The following ALMS1 variants were observed in gnomAD, a reference collection of about 807,000 sequenced individuals.
ALMS1 encodes the protein centrosome-associated protein ALMS1.
ALMS1 carries 271 observed loss-of-function variants against 352.2 expected under a neutral mutation model. The observed-to-expected ratio is 0.77, with a 90% CI of 0.70 to 0.85. The LOEUF is 0.85. Ranked by LOEUF, ALMS1 falls within the 40% of genes least tolerant of loss-of-function variation. The probability of loss-of-function intolerance (pLI) is 0.00; values close to 1 mark genes in which losing one functional copy is unlikely to be tolerated. For missense variants in ALMS1, 5,445 were observed against 4,870.7 expected (o/e 1.12, Z -3.51); for synonymous variants, 1,865 against 1,761.2 (o/e 1.06, Z -1.48).
intron 3 of ALMS1, among the ~76,000 whole-genome samples, chr2:73,420,892 C>T (rs1671269313): frequency 6.6e-6 from 1 of 152,128 alleles, no homozygotes; most frequent in African/African-American, 2.4e-5. Flanking sequence ...TTGATGATGG[C>T]TGGTGCCAGA....
chr2:73,603,372 G>A, intron 21 of ALMS1, 68 bp downstream of exon 21: 2 of 1,404,026 alleles, frequency 1.4e-6, no homozygotes, highest in Non-Finnish European at 2.0e-6. Flanking sequence ...GGGAGCTCTG[G>A]CTTGCACCCA....
At chr2:73,474,223 G>A (rs1041988810) in intron 9 of ALMS1, among the ~76,000 whole-genome samples, 9 of 151,446 alleles carry the variant, frequency 5.9e-5, no homozygotes, top group African/African-American at 2.2e-4. Flanking sequence ...TAAATACTGT[G>A]GTAATTTATA....
intron 12 of ALMS1, among the ~76,000 whole-genome samples, chr2:73,538,088 A>G (rs1345745133): frequency 2.0e-5 from 3 of 152,216 alleles, no homozygotes; most frequent in Non-Finnish European, 2.9e-5. Flanking sequence ...ACTTTTGTAC[A>G]CAAAACCCAG....
At chr2:73,494,719 A>G (rs1034546782) in intron 10 of ALMS1, among the ~76,000 whole-genome samples, 2 of 152,236 alleles carry the variant, frequency 1.3e-5, no homozygotes, top group South Asian at 2.1e-4. Context: ...CAGAGAGCAC[A>G]TTATGTTGAT....
chr2:73,567,876 T>G (rs913746028), intron 15 of ALMS1, among the ~76,000 whole-genome samples: 1 of 152,198 alleles, frequency 6.6e-6, no homozygotes, highest in African/African-American at 2.4e-5. Context: ...AAAGATTTGA[T>G]AAATGTATAT....
chr2:73,489,262 A>G (rs1460257088), intron 9 of ALMS1, among the ~76,000 whole-genome samples: 1 of 152,252 alleles, frequency 6.6e-6, no homozygotes, highest in Non-Finnish European at 1.5e-5. Flanking sequence ...GGTTACAACT[A>G]GCTGCAGAAG....
At chr2:73,506,453 CTT>C (rs1558673341) in intron 10 of ALMS1, among the ~76,000 whole-genome samples, 3 of 152,122 alleles carry the variant, frequency 2.0e-5, no homozygotes, top group African/African-American at 7.2e-5. Context: ...TGTGTCCTCT[CTT>C]ATTTCCTTGA....
chr2:73,490,025 T>C lies in ALMS1; in HGVS notation c.8066T>C (p.Val2689Ala). Reference protein sequence around the residue: ...WLSELVEPAFVPPKEVDFHSS... With the variant: ...WLSELVEPAFAPPKEVDFHSS... ...TCAGAATTAGTAGAACCTGCTTTTG[T>C]GCCACCTAAAGAAGTGGATTTTCAT... Residue 2689 changes from valine (V) to alanine (A), a missense_variant, in exon 10 of 23, where the codon GTG becomes GCG. Physicochemically the swap from Val to Ala is moderately conservative, Grantham distance 64. Transcript: ENST00000613296. 1.2e-6 allele frequency: 2 copies of C among 1,614,240 alleles called. No individual in the cohort carries two copies. Among genetic ancestry groups the C allele is most frequent in the Non-Finnish European group, 1.7e-6 (2 of 1,180,038 alleles).
chr2:73,437,378 A>G (rs1282485839), intron 7 of ALMS1, among the ~76,000 whole-genome samples: 1 of 152,178 alleles, frequency 6.6e-6, no homozygotes, highest in Non-Finnish European at 1.5e-5. Context: ...CACTCCACCT[A>G]CAAGTGAGCT....
At position 73,489,765 on chromosome 2, in the gene ALMS1, T is replaced by C. The variant is rs1398812622; in HGVS notation, c.7806T>C (p.Cys2602=). ...ATCCACAACTAGATAGACACCCTTG[T>C]GCTTTCAGATCTGCTGGACCCTCAG... ...SEHPQLDRHP[C]AFRSAGPSEM... is the part of the protein sequence containing the mutation. Residue 2602 remains cysteine (C), a synonymous_variant, in exon 10 of 23, where the codon TGT becomes TGC. Coordinates refer to ENST00000613296, the MANE Select transcript of ALMS1 (RefSeq NM_001378454.1). 6.2e-7 allele frequency: 1 copy of C among 1,614,052 alleles called. No homozygotes were observed. The highest frequency in any genetic ancestry group is 8.5e-7 in the Non-Finnish European group (1 of 1,180,038).
At chr2:73,441,669 G>A (rs1671721848) in intron 7 of ALMS1, among the ~76,000 whole-genome samples, 3 of 150,696 alleles carry the variant, frequency 2.0e-5, no homozygotes, top group South Asian at 4.2e-4. Context: ...CCTCTCCAGG[G>A]TCCAGCCTCA....
intron 11 of ALMS1, among the ~76,000 whole-genome samples, chr2:73,526,949 A>G (rs1222337163): frequency 6.6e-6 from 1 of 152,162 alleles, no homozygotes; most frequent in African/African-American, 2.4e-5. Context: ...TGTGTTCTCT[A>G]TACCTAGTTT....
At chr2:73,590,677 C>CTTTTTTTTTT (rs35264211) in intron 16 of ALMS1, among the ~76,000 whole-genome samples, 10 of 108,436 alleles carry the variant, frequency 9.2e-5, no homozygotes, top group Non-Finnish European at 1.1e-4. Flanking sequence ...TGTTTTATTA[C>CTTTTTTTTTT]TTTTTTTTTT....
intron 9 of ALMS1, among the ~76,000 whole-genome samples, chr2:73,460,841 C>G (rs1294459245): frequency 2.0e-5 from 3 of 152,244 alleles, no homozygotes; most frequent in Non-Finnish European, 4.4e-5. Flanking sequence ...TCGCTGATTG[C>G]TAGCACAGCA....
rs552336007 is a variant in ALMS1, at chr2:73,608,409, G to A, written c.12363-66G>A. The A allele has an allele frequency of 3.2e-6, 4 of 1,253,938 alleles. No individual in the cohort carries two copies. The African/African-American group carries it at 5.9e-5, about 18-fold the overall frequency. The allele number at this position is 1,253,938 out of a possible 1,614,324, so 77.7% of individuals were successfully genotyped here. A position where few individuals can be genotyped will look rare whatever the true frequency, so the allele number is the denominator to read the frequency against. On this transcript the variant is annotated intron_variant, in intron 21 of 22. Transcript: ENST00000613296. ...GGTATAGGGAGGGATGATGAGAGGAGATCTCATGACTCTGCACCCTGGTAA... is the reference window on the plus strand; with the variant it reads ...GGTATAGGGAGGGATGATGAGAGGAAATCTCATGACTCTGCACCCTGGTAA...
chr2:73,396,675 GCT>G (rs1670768634), intron 1 of ALMS1, among the ~76,000 whole-genome samples: 1 of 133,886 alleles, frequency 7.5e-6, no homozygotes, highest in African/African-American at 2.8e-5. Context: ...ACGGAGTCTT[GCT>G]CTGTCGCACA....
rs771751866 is a variant in ALMS1, at chr2:73,601,447, G to A, written c.12114+11G>A. On this transcript the variant is annotated intron_variant, in intron 19 of 22. Coordinates refer to ENST00000613296, the MANE Select transcript of ALMS1 (RefSeq NM_001378454.1). ...AGAGCAACCCTTCAGGTGCAGTGAC[G>A]TTGACTTAACTTTAATGCTACGTGT... is the stretch of plus-strand genomic sequence containing the variant. 8.1e-6 allele frequency: 13 copies of A among 1,613,542 alleles called. No homozygotes were observed. Among genetic ancestry groups the A allele is most frequent in the South Asian group, 3.3e-5 (3 of 91,048 alleles).
rs1268972831 is a variant in ALMS1, at chr2:73,391,368, A to G, written c.324+5176A>G. ...GAGTGCAGTGGCGCAATCTCGGCTC[A>G]CTGCAAACTCAGCCTCCCGAGTTCA... On this transcript the variant is annotated intron_variant, in intron 1 of 22. Transcript: ENST00000613296. 2.2e-5 allele frequency among the ~76,000 whole-genome samples: 3 copies of G among 137,108 alleles called. No individual in the cohort carries two copies. In the East Asian group the frequency reaches 6.1e-4, roughly 28 times the overall value. The allele number at this position is 137,108 out of a possible 152,430, so 89.9% of individuals were successfully genotyped here. A position where few individuals can be genotyped will look rare whatever the true frequency, so the allele number is the denominator to read the frequency against.
intron 9 of ALMS1, among the ~76,000 whole-genome samples, chr2:73,463,080 T>C (rs1181490524): frequency 4.6e-5 from 7 of 152,210 alleles, no homozygotes; most frequent in South Asian, 2.1e-4. Context: ...TACCCAGCAA[T>C]TGAATTCAGC....
Sources: allele counts gnomAD v4.1 joint callset (sites outside exome capture counted in the v4.1 genomes callset), GRCh38; gene constraint gnomAD v4.1.1; transcripts MANE v1.5; gene names NCBI Gene and HGNC (gene_info 2026-07-23, HGNC 2026-07-21).